SEMA3E: variants seen among roughly 807,000 people sequenced by gnomAD.
The protein encoded by SEMA3E is semaphorin-3E.
SEMA3E carries 49 observed loss-of-function variants against 93.6 expected under a neutral mutation model. The observed-to-expected ratio is 0.52, with a 90% confidence interval of 0.42 to 0.66. The LOEUF (loss-of-function observed/expected upper bound fraction) is 0.66. Among genes scored for constraint, SEMA3E ranks in the 30% least tolerant of loss-of-function variants. The pLI is 0.00. For synonymous variants in SEMA3E, 363 were observed against 330.7 expected, an observed-to-expected ratio of 1.10 and a Z score of -1.06; for missense variants, 906 against 964.8, an observed-to-expected ratio of 0.94 and a Z score of 0.81.
In SEMA3E at chr7:83,367,180, T is replaced by A. The variant is rs1455712174; in HGVS notation, c.*406A>T. The stretch of plus-strand genomic sequence containing the variant: ...GTATTCTGCATATCTTACATTGTGA[T>A]GGAAAAGAAAAATTCAGAAATATTA... On this transcript the variant is annotated 3_prime_UTR_variant, in exon 17 of 17. Coordinates refer to ENST00000643230, the MANE Select transcript of SEMA3E (RefSeq NM_012431.3). The A allele has an allele frequency of 1.4e-5, 3 of 218,924 alleles. No homozygotes were observed. Among genetic ancestry groups the A allele is most frequent in the Non-Finnish European group, 2.8e-5 (3 of 108,990 alleles). 13.6% of individuals were successfully genotyped at this position (218,924 alleles called of 1,614,324 possible).
At chr7:83,562,852 C>G (rs1792060436) in intron 1 of SEMA3E, among the ~76,000 whole-genome samples, 1 of 152,074 alleles carries the variant, frequency 6.6e-6, no homozygotes, top group African/African-American at 2.4e-5. Context: ...ACTGAAAAAT[C>G]TCATCAGAAT....
chr7:83,453,359 C>A (rs2115827605), intron 4 of SEMA3E, among the ~76,000 whole-genome samples: 1 of 151,046 alleles, frequency 6.6e-6, no homozygotes, highest in African/African-American at 2.4e-5. Flanking sequence ...AAATAATTAT[C>A]TGTTTCGCAT....
chr7:83,453,984 C>A (rs909129694), intron 4 of SEMA3E, among the ~76,000 whole-genome samples: 1 of 151,360 alleles, frequency 6.6e-6, no homozygotes, highest in Non-Finnish European at 1.5e-5. Flanking sequence ...TTGGGCCGGG[C>A]GTGATGGTTC....
At chr7:83,515,833 GC>G (rs1262035800) in intron 1 of SEMA3E, among the ~76,000 whole-genome samples, 1 of 152,066 alleles carries the variant, frequency 6.6e-6, no homozygotes, top group Admixed American at 6.6e-5. Flanking sequence ...TTCGAGACCA[GC>G]CTGGCCAACA....
intron 12 of SEMA3E, among the ~76,000 whole-genome samples, chr7:83,396,131 G>A (rs1031512124): frequency 1.3e-5 from 2 of 151,440 alleles, no homozygotes; most frequent in Admixed American, 6.6e-5. Flanking sequence ...ACACATATAT[G>A]TATACACACG....
rs1461320576 is a variant in SEMA3E, at chr7:83,400,233, A to C, written c.1161T>G (p.Asn387Lys). The change falls in exon 11 of 17, where the codon AAT becomes AAG. Residue 387 changes from asparagine to lysine, a missense_variant. Asn to Lys is a moderately conservative substitution (Grantham distance 94). Transcript: ENST00000643230. ...CCTTGGTGGTTCCGTATCTCCCTCCATTTACTTTGCTGGCACACTGAAAAA... is the reference window on the plus strand; with the variant it reads ...CCTTGGTGGTTCCGTATCTCCCTCCCTTTACTTTGCTGGCACACTGAAAAA... ...PRPGSCASKVNGGRYGTTKDY... is the reference protein window; with the variant it reads ...PRPGSCASKVKGGRYGTTKDY... 6.2e-7 allele frequency: 1 copy of C among 1,613,748 alleles called. No individual in the cohort carries two copies. The highest frequency in any genetic ancestry group is 1.3e-5 in the African/African-American group (1 of 74,962).
chr7:83,565,655 T>TGTTAAATTTAATAAGTTAA (rs1483330843), intron 1 of SEMA3E, among the ~76,000 whole-genome samples: 2 of 152,206 alleles, frequency 1.3e-5, no homozygotes, highest in South Asian at 2.1e-4. Context: ...ATATTTAATA[T>TGTTAAATTTAATAAGTTAA]ACAAACTTAA....
At chr7:83,418,302 G>GA in intron 5 of SEMA3E, 88 bp downstream of exon 5, 1 of 938,746 alleles carries the variant, frequency 1.1e-6, no homozygotes, top group Admixed American at 2.0e-5. Flanking sequence ...AGTATGTAAA[G>GA]AAATGCTGAA....
At chr7:83,581,675 A>G (rs1488272273) in intron 1 of SEMA3E, among the ~76,000 whole-genome samples, 3 of 152,070 alleles carry the variant, frequency 2.0e-5, no homozygotes, top group Non-Finnish European at 4.4e-5. Flanking sequence ...CATAACTTCA[A>G]AATCGCTGCA....
intron 16 of SEMA3E, 65 bp from the exon 17 acceptor site, chr7:83,368,103 T>G: frequency 7.1e-7 from 1 of 1,407,394 alleles, no homozygotes; most frequent in African/African-American, 1.4e-5. Context: ...TCCATCACCC[T>G]TTCCACTACC....
intron 1 of SEMA3E, among the ~76,000 whole-genome samples, chr7:83,642,687 T>G (rs2115715748): frequency 6.6e-6 from 1 of 152,218 alleles, no homozygotes; most frequent in Non-Finnish European, 1.5e-5. Flanking sequence ...ACCATCATCC[T>G]TTGTATAAGG....
intron 1 of SEMA3E, among the ~76,000 whole-genome samples, chr7:83,596,371 A>C (rs1792871985): frequency 6.6e-6 from 1 of 151,984 alleles, no homozygotes; most frequent in African/African-American, 2.4e-5. Flanking sequence ...GCTTCTTTTA[A>C]CGGAGAACGA....
In SEMA3E at chr7:83,593,260, G is replaced by GTC. The variant is rs1186592715; in HGVS notation, c.115+55166_115+55167dup. Among the ~76,000 whole-genome samples, 625 of 96,246 alleles carry GTC rather than the reference G, an allele frequency of 6.5e-3. 6 individuals are homozygous for GTC. The highest frequency in any genetic ancestry group is 0.037 in the South Asian group (103 of 2,776). The allele number at this position is 96,246 out of a possible 152,430, so 63.1% of individuals were successfully genotyped here. On this transcript the variant is annotated intron_variant, in intron 1 of 16. Transcript: ENST00000643230. ...TCTTTCGCTCTTTCTCTCTCTCTCT[G>GTC]TCTCTCTCTCTCTCTCTCTCTCTCT... is the stretch of plus-strand genomic sequence containing the variant.
At position 83,367,677 on chromosome 7, in the gene SEMA3E, G is replaced by C; in HGVS notation, c.2237C>G (p.Pro746Arg). 1 of 1,614,038 alleles carries C rather than the reference G, an allele frequency of 6.2e-7. No individual in the cohort carries two copies. The highest frequency in any genetic ancestry group is 1.1e-5 in the South Asian group (1 of 91,074). ...DRKRKKLKMSPSKWKYANPQE... is the reference protein window; with the variant it reads ...DRKRKKLKMSRSKWKYANPQE... Reference sequence around the variant, plus strand: ...AGGGTTGGCATACTTCCACTTGGAGGGTGACATTTTAAGCTTTTTCCTCTT... The same window carrying C: ...AGGGTTGGCATACTTCCACTTGGAGCGTGACATTTTAAGCTTTTTCCTCTT... Residue 746 changes from proline to arginine, a missense_variant, in exon 17 of 17, where the codon CCC (proline) becomes CGC (arginine). Pro to Arg is a moderately radical substitution (Grantham distance 103). Coordinates refer to ENST00000643230, the MANE Select transcript of SEMA3E (RefSeq NM_012431.3).
intron 11 of SEMA3E, among the ~76,000 whole-genome samples, chr7:83,397,440 T>C (rs1788143272): frequency 1.3e-5 from 2 of 152,116 alleles, no homozygotes; most frequent in Non-Finnish European, 2.9e-5. Flanking sequence ...TTAGGGAATA[T>C]TCCAAGCAAC....
chr7:83,645,731 C>G (rs1794070869), intron 1 of SEMA3E, among the ~76,000 whole-genome samples: 1 of 151,738 alleles, frequency 6.6e-6, no homozygotes, highest in South Asian at 2.1e-4. Flanking sequence ...CTCTCTCTCT[C>G]TCTCTCTCTC....
At chr7:83,622,701 G>T (rs531403675) in intron 1 of SEMA3E, among the ~76,000 whole-genome samples, 1 of 152,262 alleles carries the variant, frequency 6.6e-6, no homozygotes, top group East Asian at 1.9e-4. Context: ...GGAGCTGGAA[G>T]CCATTATCCT....
At position 83,365,388 on chromosome 7, in the gene SEMA3E, C is replaced by T. The variant is rs1794651192; in HGVS notation, c.*2198G>A. Reference sequence around the variant, plus strand: ...TCTCACCAAATTGTGGACTTGGGCCCTCAAAGTTTTCTTATCAATTTTCTT... The same window carrying T: ...TCTCACCAAATTGTGGACTTGGGCCTTCAAAGTTTTCTTATCAATTTTCTT... On this transcript the variant is annotated 3_prime_UTR_variant, in exon 17 of 17. Transcript: ENST00000643230. 1 of 152,060 alleles carries T rather than the reference C, an allele frequency of 6.6e-6. No individual in the cohort carries two copies. The highest frequency in any genetic ancestry group is 1.5e-5 in the Non-Finnish European group (1 of 67,998). The allele number at this position is 152,060 out of a possible 1,614,324, so 9.4% of individuals were successfully genotyped here. A position where few individuals can be genotyped will look rare whatever the true frequency, so the allele number is the denominator to read the frequency against.
intron 7 of SEMA3E, among the ~76,000 whole-genome samples, chr7:83,406,576 ACAT>A (rs72308214): frequency 0.5 from 76,307 of 151,312 alleles, 22,082 homozygotes; most frequent in East Asian, 0.85. Context: ...TTATTTTCGA[ACAT>A]CTTCTTAAAT....
Sources: gnomAD v4.1 joint callset for allele counts (sites outside exome capture counted in the v4.1 genomes callset) on GRCh38, gnomAD v4.1.1 for gene constraint, MANE v1.5 for transcripts, NCBI Gene and HGNC (gene_info 2026-07-23, HGNC 2026-07-21) for gene names.